Variants in ZNF568 observed in about 807,000 individuals in gnomAD.
ZNF568 encodes zinc finger protein 568.
ZNF568 carries 11 observed loss-of-function variants against 18.1 expected under a neutral mutation model. The observed-to-expected ratio is 0.61, with a 90% CI of 0.38 to 1.00. The LOEUF is 1.00. ZNF568 is among the 50% of genes least tolerant of loss of function. The probability of loss-of-function intolerance (pLI) is 0.01; values close to 1 mark genes in which losing one functional copy is unlikely to be tolerated. For synonymous variants in ZNF568, 213 were observed against 246.6 expected (o/e 0.86, Z 1.28); for missense variants, 639 against 768.2 (o/e 0.83, Z 1.99).
At chr19:36,953,399 T>C (rs1325344359), downstream of ZNF568, among the ~76,000 whole-genome samples, 1 of 152,176 alleles carries the variant, frequency 6.6e-6, no homozygotes, top group Non-Finnish European at 1.5e-5. Flanking sequence ...CTAGAGACCA[T>C]TTTATTCTTT....
chr19:36,964,491 A>T (rs773250737), intron 6 of ZNF568, among the ~76,000 whole-genome samples: 1 of 152,210 alleles, frequency 6.6e-6, no homozygotes, highest in Non-Finnish European at 1.5e-5. Context: ...ACTATGAGGC[A>T]TCTGAGCCTA....
chr19:36,925,387 A>G (rs1190192689), intron 4 of ZNF568, 129 bp downstream of exon 4: 8 of 830,998 alleles, frequency 9.6e-6, no homozygotes, highest in African/African-American at 6.9e-5. Context: ...TACAGATAGA[A>G]AATCAGAACC....
At chr19:36,981,965 T>C (rs1321163724), downstream of ZNF568, among the ~76,000 whole-genome samples, 1 of 152,048 alleles carries the variant, frequency 6.6e-6, no homozygotes, top group Admixed American at 6.6e-5. Flanking sequence ...AAAACTCCTA[T>C]GACAGATTAT....
At chr19:36,966,900 C>T (rs932355834) in intron 6 of ZNF568, among the ~76,000 whole-genome samples, 1 of 152,230 alleles carries the variant, frequency 6.6e-6, no homozygotes, top group Non-Finnish European at 1.5e-5. Context: ...CCGTGTGCTC[C>T]AGACCTCATG....
At chr19:36,942,394 T>C (rs1447130671) in intron 6 of ZNF568, among the ~76,000 whole-genome samples, 1 of 150,868 alleles carries the variant, frequency 6.6e-6, no homozygotes, top group African/African-American at 2.4e-5. Context: ...GGTCAGGAGA[T>C]CGAGACCATC....
At chr19:36,960,273 A>G (rs1216525491) in intron 6 of ZNF568, among the ~76,000 whole-genome samples, 4 of 151,310 alleles carry the variant, frequency 2.6e-5, no homozygotes, top group African/African-American at 9.7e-5. Context: ...GCTCACCACC[A>G]TGCCCAGCTA....
chr19:36,942,477 T>TAGTC (rs2146298853), intron 6 of ZNF568, among the ~76,000 whole-genome samples: 1 of 151,046 alleles, frequency 6.6e-6, no homozygotes, highest in East Asian at 2.0e-4. Flanking sequence ...CGGGTGCCTG[T>TAGTC]AGTCCCAGCT....
chr19:36,976,022 C>CTG (rs1244991907), intron 7 of ZNF568, among the ~76,000 whole-genome samples: 3 of 152,094 alleles, frequency 2.0e-5, no homozygotes, highest in African/African-American at 7.2e-5. Flanking sequence ...GAATGCCTAC[C>CTG]TGTCCACTTT....
At chr19:36,986,233 G>A (rs968000593) in intron 2 of ZNF568, among the ~76,000 whole-genome samples, 2 of 152,136 alleles carry the variant, frequency 1.3e-5, no homozygotes, top group South Asian at 2.1e-4. Context: ...CCCTAGGAAT[G>A]GGAATGCCAC....
At chr19:36,988,125 T>A (rs1197190330) in intron 2 of ZNF568, among the ~76,000 whole-genome samples, 3 of 151,998 alleles carry the variant, frequency 2.0e-5, no homozygotes, top group Non-Finnish European at 4.4e-5. Flanking sequence ...AATTTTTTAT[T>A]TTTATTTTTG....
intron 3 of ZNF568, chr19:36,991,442 G>T (rs1048383391): frequency 1.7e-6 from 2 of 1,177,436 alleles, no homozygotes; most frequent in South Asian, 2.0e-5. Context: ...CTCACCAAAA[G>T]AATGGTTTGT....
chr19:36,991,779 C>G (rs753654130), exon 4 of ZNF568: 4 of 1,579,970 alleles, frequency 2.5e-6, no homozygotes, highest in Non-Finnish European at 3.4e-6. Context: ...CAAATGTGAT[C>G]TCCTTATTGG....
At chr19:36,986,633 C>G (rs75803228) in intron 2 of ZNF568, among the ~76,000 whole-genome samples, 14 of 152,170 alleles carry the variant, frequency 9.2e-5, no homozygotes, top group African/African-American at 3.4e-4. Flanking sequence ...TTTTTTCCCC[C>G]CTCCGTGACT....
chr19:36,977,914 C>A (rs1405633256), intron 7 of ZNF568, among the ~76,000 whole-genome samples: 1 of 152,246 alleles, frequency 6.6e-6, no homozygotes, highest in African/African-American at 2.4e-5. Flanking sequence ...CCTGCACTTA[C>A]ACTGGCAACC....
Position 36,947,510 on chromosome 19 carries a change from T to C in ZNF568, c.359-2002T>C, listed in dbSNP as rs560983161. Among the ~76,000 whole-genome samples the C allele has an allele frequency of 2.0e-3, 303 of 152,234 alleles. 4 individuals carry two copies. Among genetic ancestry groups the C allele is most frequent in the Admixed American group, 7.4e-3 (113 of 15,292 alleles). ...TCTACATGCAGTTATGTCTAGGAAA[T>C]GTAGTTTTAACTGCCTCAGCCTTTA... On this transcript the variant is annotated intron_variant, in intron 6 of 6. Coordinates refer to ENST00000333987, the MANE Select transcript of ZNF568 (RefSeq NM_198539.4).
At chr19:36,937,022 T>C (rs2073801822) in intron 5 of ZNF568, 125 bp from the exon 6 acceptor site, 2 of 1,355,426 alleles carry the variant, frequency 1.5e-6, no homozygotes, top group South Asian at 2.7e-5. Context: ...GGCTGATTAC[T>C]TTGTGTCATT....
At position 36,975,681 on chromosome 19, in the gene ZNF568, C is replaced by CTTTTTTTTTTTT. The variant is rs1193440344; in HGVS notation, c.405+1225_405+1236dup. Among the ~76,000 whole-genome samples the CTTTTTTTTTTTT allele has an allele frequency of 6.5e-4, 49 of 75,776 alleles. 4 individuals carry two copies. Among genetic ancestry groups the CTTTTTTTTTTTT allele is most frequent in the East Asian group, 1.4e-3 (4 of 2,952 alleles). The allele number at this position is 75,776 out of a possible 152,430, so 49.7% of individuals were successfully genotyped here. On this transcript the variant is annotated intron_variant, in intron 7 of 7. Coordinates refer to the ZNF568 transcript ENST00000427117. ...GCAGGCGTGAGCCACCGCGCCAAGA[C>CTTTTTTTTTTTT]TTTTTTTTTTTTTTTTTTTTTGAGA... is the stretch of plus-strand genomic sequence containing the variant.
chr19:36,989,715 C>A (rs541621337), intron 2 of ZNF568, among the ~76,000 whole-genome samples: 2 of 151,968 alleles, frequency 1.3e-5, no homozygotes, highest in Admixed American at 1.3e-4. Flanking sequence ...CCACCTTGTC[C>A]GGCTAATTTT....
At chr19:36,920,984 G>C (rs1407709426) in intron 2 of ZNF568, among the ~76,000 whole-genome samples, 1 of 152,092 alleles carries the variant, frequency 6.6e-6, no homozygotes, top group South Asian at 2.1e-4. Flanking sequence ...TGCCATACAG[G>C]TTCGTAGCCT....
Sources: allele counts gnomAD v4.1 joint callset (sites outside exome capture counted in the v4.1 genomes callset), GRCh38; gene constraint gnomAD v4.1.1; transcripts MANE v1.5; gene names NCBI Gene and HGNC (gene_info 2026-07-23, HGNC 2026-07-21).